NACA: variants seen among roughly 807,000 people sequenced by gnomAD.
NACA encodes the protein nascent polypeptide associated complex subunit alpha.
NACA carries 42 observed loss-of-function variants against 86.4 expected under a neutral mutation model. That is an observed-to-expected ratio of 0.49 (90% CI 0.38 to 0.63). The LOEUF (loss-of-function observed/expected upper bound fraction) is 0.63, where lower values mean the gene tolerates loss of function less well. Ranked by LOEUF, NACA falls within the 20% of genes least tolerant of loss-of-function variation. The pLI, the probability that NACA is intolerant of heterozygous loss-of-function variation, is 0.00. For missense variants in NACA, 2,157 were observed against 2,483.6 expected (o/e 0.87, Z 2.80); for synonymous variants, 898 against 973.7 (o/e 0.92, Z 1.45).
Position 56,714,355 on chromosome 12 carries a change from A to G in NACA, c.5823+7T>C. ...CATAAGATCCTGAAATCCTTTTCAA[A>G]TCTTACCTTCCGTGCCTTCTTTTCA... On this transcript the variant is annotated splice_region_variant and intron_variant, in intron 5 of 8. Transcript: ENST00000454682. 1 of 1,613,946 alleles carries G rather than the reference A, an allele frequency of 6.2e-7. No individual in the cohort carries two copies. The highest frequency in any genetic ancestry group is 1.3e-5 in the African/African-American group (1 of 75,032).
chr12:56,714,541 A>G (rs1592309914), intron 4 of NACA, 61 bp downstream of exon 4: 2 of 1,606,122 alleles, frequency 1.2e-6, no homozygotes, highest in South Asian at 1.1e-5. Flanking sequence ...TCCAAATACA[A>G]AAGTTGCCCT....
In NACA at chr12:56,719,877, G is replaced by A. The variant is rs752524316; in HGVS notation, c.1653C>T (p.Leu551=). The change falls in exon 3 of 9, where the codon CTC becomes CTT. Residue 551 remains leucine, a synonymous_variant. Transcript: ENST00000454682. ...GAPFSPAQAG[L]TTKKDPTVLP... is the part of the protein sequence containing the mutation. ...ATACAGTAGGGTCTTTCTTGGTGGT[G>A]AGTCCTGCTTGGGCTGGAGAGAAAG... 1.2e-6 allele frequency: 2 copies of A among 1,613,950 alleles called. No individual in the cohort carries two copies. The highest frequency in any genetic ancestry group is 1.7e-6 in the Non-Finnish European group (2 of 1,179,872).
chr12:56,723,810 A>G (rs1486671995), intron 2 of NACA, among the ~76,000 whole-genome samples: 1 of 152,184 alleles, frequency 6.6e-6, no homozygotes, highest in Non-Finnish European at 1.5e-5. Context: ...ATATGTTTTA[A>G]CCAGAATTTA....
At position 56,720,923 on chromosome 12, in the gene NACA, GGGT is replaced by G. The variant is rs757566846; in HGVS notation, c.604_606del (p.Thr202del). 90 of 1,613,846 alleles carry G rather than the reference GGGT, an allele frequency of 5.6e-5. 1 individual carries two copies. The highest frequency in any genetic ancestry group is 4.9e-4 in the Middle Eastern group (3 of 6,084). The stretch of plus-strand genomic sequence containing the variant: ...GTACTGACTATACATGGAGGGCTGG[GGGT>G]GCCTTTTGGATTAGGGACTACCTCA... On this transcript the variant is annotated inframe_deletion, in exon 3 of 9. Coordinates refer to ENST00000454682, the MANE Select transcript of NACA (RefSeq NM_001365896.1).
At chr12:56,713,017 A>G in intron 7 of NACA, 45 bp downstream of exon 7, 1 of 1,612,808 alleles carries the variant, frequency 6.2e-7, no homozygotes, top group Non-Finnish European at 8.5e-7. Context: ...CACGAACACA[A>G]TGCTATACGG....
chr12:56,713,068 C>T lies in NACA; in HGVS notation c.6093G>A (p.Glu2031=), dbSNP rs756703844. 10 of 1,613,876 alleles carry T rather than the reference C, an allele frequency of 6.2e-6. No individual in the cohort carries two copies. The highest frequency in any genetic ancestry group is 6.8e-6 in the Non-Finnish European group (8 of 1,179,984). ...QTPTVQEESE[E]EEVDETGVEV... ...GAAAGATTTCCTAGTATACCTCTTCCTCTTCACTCTCCTCTTGTACAGTTG... is the reference window on the plus strand; with the variant it reads ...GAAAGATTTCCTAGTATACCTCTTCTTCTTCACTCTCCTCTTGTACAGTTG... The change falls in exon 7 of 9, where the codon GAG becomes GAA. Residue 2031 remains glutamate, a synonymous_variant. Coordinates refer to ENST00000454682, the MANE Select transcript of NACA (RefSeq NM_001365896.1).
At position 56,716,048 on chromosome 12, in the gene NACA, G is replaced by C. The variant is rs756525713; in HGVS notation, c.5482C>G (p.Pro1828Ala). ...PSSPGLVLES[P>A]SKPLAPADED... ...TCAGCAGGGGCAAGGGGTTTAGAGG[G>C]TGATTCCAACACCAGCCCAGGAGAG... The change falls in exon 3 of 9, where the codon CCC becomes GCC. Residue 1828 changes from proline to alanine, a missense_variant. By Grantham distance (27) the Pro-to-Ala change is conservative (BLOSUM62 -1). Transcript: ENST00000454682. The C allele has an allele frequency of 1.9e-6, 3 of 1,610,686 alleles. No individual in the cohort carries two copies. Among genetic ancestry groups the C allele is most frequent in the Non-Finnish European group, 2.5e-6 (3 of 1,177,840 alleles).
At position 56,714,678 on chromosome 12, in the gene NACA, G is replaced by A; in HGVS notation, c.5669C>T (p.Thr1890Ile). ...TACTGATTCATCACTGTCAGATTCT[G>A]TTCCAGACCCTAAGATGAGAAACAA... ...PVTKNNKGSG[T>I]ESDSDESVPE... Residue 1890 changes from threonine to isoleucine, a missense_variant, in exon 4 of 9, where the codon ACA (threonine) becomes ATA (isoleucine). Physicochemically the swap from Thr to Ile is moderately conservative, Grantham distance 89 (BLOSUM62 -1). Transcript: ENST00000454682. 6.2e-7 allele frequency: 1 copy of A among 1,614,102 alleles called. No homozygotes were observed. Among genetic ancestry groups the A allele is most frequent in the African/African-American group, 1.3e-5 (1 of 75,030 alleles).
Position 56,714,627 on chromosome 12 carries a change from G to C in NACA, c.5720C>G (p.Thr1907Ser). 6.2e-7 allele frequency: 1 copy of C among 1,614,140 alleles called. No individual in the cohort carries two copies. Among genetic ancestry groups the C allele is most frequent in the Non-Finnish European group, 8.5e-7 (1 of 1,180,030 alleles). Reference sequence around the variant, plus strand: ...CTGGGCTTGTTGTGTGGTTGCCTGGGTGGAATCCTGTTCTTCAAGCTCTGG... The same window carrying C: ...CTGGGCTTGTTGTGTGGTTGCCTGGCTGGAATCCTGTTCTTCAAGCTCTGG... The part of the protein sequence containing the change: ...SVPELEEQDS[T>S]QATTQQAQLA... Residue 1907 changes from threonine to serine, a missense_variant, in exon 4 of 9, where the codon ACC becomes AGC. Thr to Ser is a moderately conservative substitution (Grantham distance 58). Coordinates refer to ENST00000454682, the MANE Select transcript of NACA (RefSeq NM_001365896.1).
Position 56,719,222 on chromosome 12 carries a change from A to C in NACA, c.2308T>G (p.Cys770Gly). The C allele has an allele frequency of 6.7e-7, 1 of 1,503,678 alleles. No individual in the cohort carries two copies. Among genetic ancestry groups the C allele is most frequent in the Non-Finnish European group, 9.0e-7 (1 of 1,109,260 alleles). 93.1% of individuals were successfully genotyped at this position (1,503,678 alleles called of 1,614,324 possible). Residue 770 changes from cysteine (C) to glycine (G), a missense_variant, in exon 3 of 9, where the codon TGC (cysteine) becomes GGC (glycine). By Grantham distance (159) the Cys-to-Gly change is radical. Coordinates refer to ENST00000454682, the MANE Select transcript of NACA (RefSeq NM_001365896.1). ...LAPVASSPKE[C>G]PTEDSGASAT... ...GAAGCACCAGAGTCCTCAGTTGGGCACTCTTTGGGAGAGGAAGCAACAGGT... is the reference window on the plus strand; with the variant it reads ...GAAGCACCAGAGTCCTCAGTTGGGCCCTCTTTGGGAGAGGAAGCAACAGGT...
chr12:56,713,046 A>G lies in NACA; in HGVS notation c.6099+16T>C. The stretch of plus-strand genomic sequence containing the variant: ...TATACGGCGAGAGTTAAATTATGAA[A>G]GATTTCCTAGTATACCTCTTCCTCT... On this transcript the variant is annotated intron_variant, in intron 7 of 8. Transcript: ENST00000454682. The G allele has an allele frequency of 2.5e-6, 4 of 1,613,810 alleles. No homozygotes were observed. Among genetic ancestry groups the G allele is most frequent in the Non-Finnish European group, 3.4e-6 (4 of 1,179,750 alleles).
rs1347299740 is a variant in NACA at position 56,716,240 on chromosome 12, G to A, written c.5290C>T (p.Pro1764Ser). Residue 1764 changes from proline to serine, a missense_variant, in exon 3 of 9, where the codon CCT becomes TCT. Around this residue, in one of 8 missense-constraint regions of NACA, gnomAD observed 797 missense variants for 777.6 expected, o/e 1.02. Coordinates refer to ENST00000454682, the MANE Select transcript of NACA (RefSeq NM_001365896.1). Reference sequence around the variant, plus strand: ...GGGGTGGACGCCTTAGACTCAGGAGGAGCCAAGGGGCCCTTTGGGGAATGA... The same window carrying A: ...GGGGTGGACGCCTTAGACTCAGGAGAAGCCAAGGGGCCCTTTGGGGAATGA... The part of the protein sequence containing the change: ...ASHSPKGPLA[P>S]PESKASTPLT... The A allele has an allele frequency of 1.2e-6, 2 of 1,613,794 alleles. No individual in the cohort carries two copies. The highest frequency in any genetic ancestry group is 1.7e-5 in the Admixed American group (1 of 60,024).
In NACA at chr12:56,724,505, G is replaced by A; in HGVS notation, c.17C>T (p.Thr6Ile). The A allele has an allele frequency of 3.1e-6, 5 of 1,612,696 alleles. No individual in the cohort carries two copies. Among genetic ancestry groups the A allele is most frequent in the Non-Finnish European group, 4.2e-6 (5 of 1,179,438 alleles). Residue 6 changes from threonine to isoleucine, a missense_variant, in exon 2 of 9, where the codon ACA becomes ATA. Physicochemically the swap from Thr to Ile is moderately conservative, Grantham distance 89. Transcript: ENST00000454682. ...CTGCTCTGTAGCAGGGACGGTTTCT[G>A]TGGCTTCGCCGGGCATTTCTGAAGG... MPGEA[T>I]ETVPATEQEL... is the part of the protein sequence containing the mutation.
In NACA at chr12:56,715,430, T is replaced by C. The variant is rs140966189; in HGVS notation, c.5659+441A>G. The stretch of plus-strand genomic sequence containing the variant: ...GAAAAGGGAGTCCCTGGGCAACTGG[T>C]CATTACTAAGTCTAATAATGGAAAA... On this transcript the variant is annotated intron_variant, in intron 3 of 8. Coordinates refer to ENST00000454682, the MANE Select transcript of NACA (RefSeq NM_001365896.1). Among the ~76,000 whole-genome samples, 178 of 152,290 alleles carry C rather than the reference T, an allele frequency of 1.2e-3. 1 individual carries two copies. The highest frequency in any genetic ancestry group is 3.9e-3 in the African/African-American group (161 of 41,564).
chr12:56,714,757 C>G, intron 3 of NACA, 70 bp from the exon 4 acceptor site: 1 of 1,401,666 alleles, frequency 7.1e-7, no homozygotes. Context: ...CCACAGCCTG[C>G]CCTGGACTAG....
rs751342409 is a variant in NACA, at chr12:56,713,716, CCT to C, written c.5824-35_5824-34del. The C allele has an allele frequency of 5.0e-5, 80 of 1,607,498 alleles. No homozygotes were observed. The East Asian group carries it at 1.8e-3, about 36-fold the overall frequency. On this transcript the variant is annotated intron_variant, in intron 5 of 8. Transcript: ENST00000454682. ...AGAGAAAATAGTATCAGGTTTTCAA[CCT>C]CTTTAGAAGCAGCCTAAAGAAGCAA...
At chr12:56,714,711 T>C (rs747618097) in intron 3 of NACA, 24 bp from the exon 4 acceptor site, 3 of 1,603,124 alleles carry the variant, frequency 1.9e-6, no homozygotes, top group Non-Finnish European at 2.6e-6. Flanking sequence ...CAACTTTTAC[T>C]GCTTTATAGT....
At chr12:56,723,621 G>GT (rs1169566357) in intron 2 of NACA, among the ~76,000 whole-genome samples, 2 of 152,010 alleles carry the variant, frequency 1.3e-5, no homozygotes, top group African/African-American at 4.8e-5. Flanking sequence ...CAACTCTACT[G>GT]TAACTCCAAA....
chr12:56,720,298 G>T lies in NACA; in HGVS notation c.1232C>A (p.Thr411Asn), dbSNP rs1276888285. The T allele has an allele frequency of 1.2e-6, 2 of 1,613,544 alleles. No individual in the cohort carries two copies. The highest frequency in any genetic ancestry group is 2.2e-5 in the East Asian group (1 of 44,888). Residue 411 changes from threonine to asparagine, a missense_variant, in exon 3 of 9, where the codon ACC becomes AAC. Thr to Asn is a moderately conservative substitution (Grantham distance 65, BLOSUM62 0). This residue lies in a region of NACA where 947 missense variants were observed against 917.9 expected (regional missense o/e 1.03). Transcript: ENST00000454682. ...VATSFSLSPT[T>N]SLILKSSPNA... is the part of the protein sequence containing the mutation. ...AGGAGAGCTTTTGAGAATGAGAGAG[G>T]TTGTAGGAGATAATGAAAAAGAGGT...
Sources: allele counts gnomAD v4.1 joint callset (sites outside exome capture counted in the v4.1 genomes callset), GRCh38; gene constraint gnomAD v4.1.1; regional missense constraint gnomAD v4.1.1; transcripts MANE v1.5; gene names NCBI Gene and HGNC (gene_info 2026-07-23, HGNC 2026-07-21).